Variants in PCCA observed in about 807,000 individuals in gnomAD.
PCCA encodes the protein propionyl-CoA carboxylase alpha chain, mitochondrial.
In PCCA, 74 loss-of-function variants were observed where a neutral mutation model predicts 101.3. That is an observed-to-expected ratio of 0.73 (90% confidence interval 0.61 to 0.89). PCCA has a LOEUF of 0.89. Among genes scored for constraint, PCCA ranks in the 40% least tolerant of loss-of-function variants. PCCA has a pLI of 0.00. For missense variants in PCCA, 891 were observed against 907.0 expected (o/e 0.98, Z 0.23); for synonymous variants, 294 against 313.6 (o/e 0.94, Z 0.66).
intron 17 of PCCA, among the ~76,000 whole-genome samples, chr13:100,337,353 G>T (rs1395800852): frequency 6.6e-6 from 1 of 152,150 alleles, no homozygotes; most frequent in African/African-American, 2.4e-5. Flanking sequence ...CACCAAGCTG[G>T]TCTACCACCC....
intron 18 of PCCA, among the ~76,000 whole-genome samples, chr13:100,348,522 T>C (rs2072618570): frequency 6.6e-6 from 1 of 152,130 alleles, no homozygotes; most frequent in African/African-American, 2.4e-5. Context: ...AAACAACCAC[T>C]TTTTTTAAAA....
chr13:100,366,680 C>A (rs1412975083), intron 18 of PCCA, among the ~76,000 whole-genome samples: 1 of 152,144 alleles, frequency 6.6e-6, no homozygotes, highest in Admixed American at 6.6e-5. Context: ...CCTGCACCCC[C>A]ATTCATTCAT....
At chr13:100,132,034 T>C (rs1191632882) in intron 4 of PCCA, among the ~76,000 whole-genome samples, 1 of 152,140 alleles carries the variant, frequency 6.6e-6, no homozygotes. Flanking sequence ...GAGAGGACAA[T>C]ACTAGGGCAG....
At chr13:100,118,354 C>T (rs964102497) in intron 4 of PCCA, among the ~76,000 whole-genome samples, 2 of 152,156 alleles carry the variant, frequency 1.3e-5, no homozygotes, top group Non-Finnish European at 2.9e-5. Flanking sequence ...ACAGTTCAAT[C>T]AAGGTTCATG....
rs377359170 is a variant in PCCA at position 100,388,258 on chromosome 13, T to C, written c.1746+19684T>C. Among the ~76,000 whole-genome samples, 165 of 152,186 alleles carry C rather than the reference T, an allele frequency of 1.1e-3. 6 individuals carry two copies. In the South Asian group the frequency reaches 0.031, roughly 29 times the overall value. ...CTGAGGCAGGAGGATCGCTTGAGCC[T>C]GGGAGTTGGAGACCAGCCTGGGCAA... On this transcript the variant is annotated intron_variant, in intron 19 of 23. Coordinates refer to ENST00000376285, the MANE Select transcript of PCCA (RefSeq NM_000282.4).
rs1566975430 is a variant in PCCA, at chr13:100,348,727, C to CCTTTTTTTCTTTT, written c.1643+8472_1643+8473insTTTTCTTTTCTTT. On this transcript the variant is annotated intron_variant, in intron 18 of 23. Coordinates refer to ENST00000376285, the MANE Select transcript of PCCA (RefSeq NM_000282.4). ...TCAGCTTTTACTTTCCGTTTTTTTT[C>CCTTTTTTTCTTTT]CTTTCTTTCTTTCTTTCTTTCTTTC... is the stretch of plus-strand genomic sequence containing the variant. 6.0e-5 allele frequency among the ~76,000 whole-genome samples: 6 copies of CCTTTTTTTCTTTT among 99,518 alleles called. 1 individual carries two copies. The highest frequency in any genetic ancestry group is 2.3e-4 in the African/African-American group (6 of 25,620). The allele number at this position is 99,518 out of a possible 152,430, so 65.3% of individuals were successfully genotyped here.
rs147606653 is a variant in PCCA, at chr13:100,154,227, T to G, written c.301-752T>G. ...TCATCAGTTAAAAAGAATAGACTCC[T>G]TTTAGAACTAAGCAGTTTACTCTTT... On this transcript the variant is annotated intron_variant, in intron 4 of 23. Transcript: ENST00000376285. 3.3e-3 allele frequency among the ~76,000 whole-genome samples: 496 copies of G among 152,336 alleles called. 2 individuals carry two copies. The highest frequency in any genetic ancestry group is 6.8e-3 in the Middle Eastern group (2 of 294).
intron 12 of PCCA, among the ~76,000 whole-genome samples, chr13:100,298,691 C>T (rs2065822261): frequency 3.4e-5 from 2 of 58,736 alleles, no homozygotes; most frequent in Admixed American, 1.9e-4. Flanking sequence ...TCCTTCCTTC[C>T]TTCCTTCCTT....
At chr13:100,499,884 G>A (rs1594022580) in intron 21 of PCCA, among the ~76,000 whole-genome samples, 1 of 150,446 alleles carries the variant, frequency 6.6e-6, no homozygotes, top group South Asian at 2.2e-4. Flanking sequence ...GACTTTTTTT[G>A]GAGGTGCTAG....
At chr13:100,424,288 T>C (rs1209053400) in intron 19 of PCCA, among the ~76,000 whole-genome samples, 1 of 152,072 alleles carries the variant, frequency 6.6e-6, no homozygotes, top group Non-Finnish European at 1.5e-5. Flanking sequence ...CATCCCCGGA[T>C]TTTGGTATCT....
intron 7 of PCCA, among the ~76,000 whole-genome samples, chr13:100,210,774 G>A (rs1438118622): frequency 1.3e-5 from 2 of 152,162 alleles, no homozygotes; most frequent in East Asian, 3.8e-4. Flanking sequence ...TTGGCATTCT[G>A]TGTTGGGTTG....
intron 4 of PCCA, among the ~76,000 whole-genome samples, chr13:100,119,218 A>G (rs1265507546): frequency 6.6e-6 from 1 of 151,892 alleles, no homozygotes; most frequent in African/African-American, 2.4e-5. Context: ...TAGTATATTT[A>G]TTTTTAGCAT....
At chr13:100,197,760 A>G (rs2152458485) in intron 6 of PCCA, among the ~76,000 whole-genome samples, 1 of 152,228 alleles carries the variant, frequency 6.6e-6, no homozygotes, top group East Asian at 1.9e-4. Context: ...AAGTACACTG[A>G]GTTCAGGTTA....
chr13:100,279,933 C>CT (rs1256495312), intron 12 of PCCA, among the ~76,000 whole-genome samples: 1 of 150,608 alleles, frequency 6.6e-6, no homozygotes, highest in African/African-American at 2.4e-5. Context: ...TTTCTTTGTT[C>CT]TTTTTTTATT....
chr13:100,175,845 A>G (rs528025758), intron 6 of PCCA, among the ~76,000 whole-genome samples: 23 of 152,296 alleles, frequency 1.5e-4, no homozygotes, highest in Admixed American at 1.1e-3. Context: ...TTCTCCCCTT[A>G]AATCCTCTTT....
chr13:100,326,224 G>T (rs1471243106), intron 16 of PCCA, among the ~76,000 whole-genome samples: 3 of 152,206 alleles, frequency 2.0e-5, no homozygotes, highest in Non-Finnish European at 2.9e-5. Flanking sequence ...AAAAGGTGGA[G>T]TGGGGGTTGA....
intron 18 of PCCA, among the ~76,000 whole-genome samples, chr13:100,356,869 A>G (rs964843900): frequency 6.6e-6 from 1 of 152,212 alleles, no homozygotes; most frequent in Non-Finnish European, 1.5e-5. Flanking sequence ...ACGTTCATAG[A>G]ATGGATTATT....
At position 100,298,668 on chromosome 13, in the gene PCCA, CTCCCTCCTTCCT is replaced by C. The variant is rs2065812828; in HGVS notation, c.1066-2788_1066-2777del. ...CCTCCCTCCCTCCCTCCCTCCCTCC[CTCCCTCCTTCCT>C]TCCTTCCTTCCTTCCTTCCTTCCTT... On this transcript the variant is annotated intron_variant, in intron 12 of 23. Coordinates refer to ENST00000376285, the MANE Select transcript of PCCA (RefSeq NM_000282.4). 4.7e-3 allele frequency among the ~76,000 whole-genome samples: 17 copies of C among 3,628 alleles called. 1 individual carries two copies. Among genetic ancestry groups the C allele is most frequent in the African/African-American group, 8.5e-3 (17 of 2,006 alleles). The allele number at this position is 3,628 out of a possible 152,430, so 2.4% of individuals were successfully genotyped here. A position where few individuals can be genotyped will look rare whatever the true frequency, so the allele number is the denominator to read the frequency against.
chr13:100,451,214 G>A (rs746901102), intron 21 of PCCA, among the ~76,000 whole-genome samples: 2 of 151,420 alleles, frequency 1.3e-5, no homozygotes, highest in African/African-American at 2.5e-5. Flanking sequence ...TTCAGTGTTC[G>A]TCTCATCTAA....
Sources: allele counts gnomAD v4.1 joint callset (sites outside exome capture counted in the v4.1 genomes callset), GRCh38; gene constraint gnomAD v4.1.1; transcripts MANE v1.5; gene names NCBI Gene and HGNC (gene_info 2026-07-23, HGNC 2026-07-21).